The following MEI4 variants were observed in gnomAD, a reference collection of about 807,000 sequenced individuals.
MEI4 encodes meiosis-specific protein MEI4.
Under a neutral mutation model 31.4 loss-of-function variants are expected in MEI4, and 27 were observed. The ratio of observed to expected loss-of-function variants is 0.86; its 90% confidence interval spans 0.63 to 1.19. MEI4 has a LOEUF of 1.19. Among genes scored for constraint, MEI4 ranks in the 50% most tolerant of loss-of-function variants. The probability of loss-of-function intolerance (pLI) is 0.00; values close to 1 mark genes in which losing one functional copy is unlikely to be tolerated. For synonymous variants in MEI4, 122 were observed against 145.4 expected (o/e 0.84, Z 1.16); for missense variants, 329 against 398.9 (o/e 0.82, Z 1.49).
chr6:77,710,027 G>C (rs1399270289), intron 2 of MEI4, among the ~76,000 whole-genome samples: 1 of 152,182 alleles, frequency 6.6e-6, no homozygotes, highest in Non-Finnish European at 1.5e-5. Flanking sequence ...TACAGTGGGG[G>C]CTGGACCTGG....
At chr6:77,671,537 T>A (rs1399493784) in intron 1 of MEI4, among the ~76,000 whole-genome samples, 1 of 152,254 alleles carries the variant, frequency 6.6e-6, no homozygotes, top group Non-Finnish European at 1.5e-5. Flanking sequence ...TTCATTTTCT[T>A]ATGTCTCAAG....
At chr6:77,781,883 G>A (rs1768605512) in intron 3 of MEI4, among the ~76,000 whole-genome samples, 1 of 152,126 alleles carries the variant, frequency 6.6e-6, no homozygotes, top group African/African-American at 2.4e-5. Context: ...TCTAAGCTCA[G>A]AGAACTCTTC....
At chr6:77,650,558 C>T (rs533905588), upstream of MEI4, among the ~76,000 whole-genome samples, 2 of 152,320 alleles carry the variant, frequency 1.3e-5, no homozygotes, top group East Asian at 3.9e-4. Flanking sequence ...CGCCCTCCCC[C>T]GCTACAGGAA....
chr6:77,668,703 G>C (rs1768682716), intron 1 of MEI4, among the ~76,000 whole-genome samples: 1 of 152,064 alleles, frequency 6.6e-6, no homozygotes, highest in South Asian at 2.1e-4. Flanking sequence ...TACATCACAG[G>C]ATTATGAGGA....
At chr6:77,841,318 T>TATATATATATATATAC (rs1554168559) in intron 4 of MEI4, among the ~76,000 whole-genome samples, 6 of 50,226 alleles carry the variant, frequency 1.2e-4, no homozygotes, top group Non-Finnish European at 1.9e-4. Context: ...TGTGTGCATA[T>TATATATATATATATAC]ATATATATAT....
chr6:77,912,219 ATTAC>A (rs1040748454), intron 4 of MEI4, among the ~76,000 whole-genome samples: 1 of 151,970 alleles, frequency 6.6e-6, no homozygotes, highest in Non-Finnish European at 1.5e-5. Flanking sequence ...TATTGTTTTG[ATTAC>A]TTAATCATTG....
In MEI4 at chr6:77,738,300, C is replaced by T. The variant is rs151084819; in HGVS notation, c.233-22830C>T. Among the ~76,000 whole-genome samples the T allele has an allele frequency of 4.3e-3, 650 of 152,250 alleles. 1 individual carries two copies. Among genetic ancestry groups the T allele is most frequent in the Non-Finnish European group, 5.7e-3 (389 of 68,028 alleles). On this transcript the variant is annotated intron_variant, in intron 2 of 4. Coordinates refer to ENST00000684080, the MANE Select transcript of MEI4 (RefSeq NM_001322247.2). ...AGACAATTCAGCTAAAACGAATCTT[C>T]TCATTAGTTTATAATTTCACGCATT...
chr6:77,909,392 C>T (rs898950316), intron 4 of MEI4, among the ~76,000 whole-genome samples: 3 of 152,078 alleles, frequency 2.0e-5, no homozygotes, highest in Non-Finnish European at 4.4e-5. Context: ...ACCGATCCCA[C>T]AGAAATACAA....
At chr6:77,650,744 G>A (rs1371721084), upstream of MEI4, among the ~76,000 whole-genome samples, 1 of 152,232 alleles carries the variant, frequency 6.6e-6, no homozygotes, top group African/African-American at 2.4e-5. Flanking sequence ...GGACGTTTCT[G>A]TTTACCTAAT....
At chr6:77,862,348 C>T (rs941543665) in intron 4 of MEI4, among the ~76,000 whole-genome samples, 22 of 152,324 alleles carry the variant, frequency 1.4e-4, no homozygotes, top group African/African-American at 5.3e-4. Context: ...TGACAGACAA[C>T]ACCTGGAAAA....
Position 77,736,479 on chromosome 6 carries a change from C to T in MEI4, c.233-24651C>T, listed in dbSNP as rs191406073. On this transcript the variant is annotated intron_variant, in intron 2 of 4. Coordinates refer to ENST00000684080, the MANE Select transcript of MEI4 (RefSeq NM_001322247.2). ...GTGCTTCTGGAGTGAGGCAATGCCT[C>T]GCCCTGCTTCGGCTTGCGAACGGTG... Among the ~76,000 whole-genome samples the T allele has an allele frequency of 5.1e-4, 78 of 152,194 alleles. 1 individual carries two copies. In the East Asian group the frequency reaches 0.014, roughly 27 times the overall value.
chr6:77,658,962 GCA>G (rs1768449821), intron 1 of MEI4, among the ~76,000 whole-genome samples: 1 of 151,814 alleles, frequency 6.6e-6, no homozygotes, highest in African/African-American at 2.4e-5. Flanking sequence ...TTAAGAATAT[GCA>G]GAGTCCTCCT....
At chr6:77,812,490 AT>A (rs1273838861) in intron 3 of MEI4, among the ~76,000 whole-genome samples, 4 of 152,170 alleles carry the variant, frequency 2.6e-5, no homozygotes, top group Admixed American at 6.6e-5. Context: ...ACTAAACTAT[AT>A]GCTTAGAGTG....
intron 4 of MEI4, among the ~76,000 whole-genome samples, chr6:77,902,244 A>G (rs1469610141): frequency 6.6e-6 from 1 of 152,076 alleles, no homozygotes; most frequent in Admixed American, 6.6e-5. Context: ...TTCTGTGACA[A>G]AATTCATTGG....
At chr6:77,921,120 G>C (rs1421519076) in intron 4 of MEI4, among the ~76,000 whole-genome samples, 1 of 151,842 alleles carries the variant, frequency 6.6e-6, no homozygotes, top group Non-Finnish European at 1.5e-5. Context: ...TCTTTCAGTA[G>C]AAGGCTGTTT....
At chr6:77,875,109 G>T (rs1562021952) in intron 4 of MEI4, among the ~76,000 whole-genome samples, 1 of 152,122 alleles carries the variant, frequency 6.6e-6, no homozygotes, top group Non-Finnish European at 1.5e-5. Flanking sequence ...TACACAAAAA[G>T]GTGGTTACTC....
At chr6:77,901,450 T>G (rs1320241392) in intron 4 of MEI4, among the ~76,000 whole-genome samples, 1 of 152,076 alleles carries the variant, frequency 6.6e-6, no homozygotes. Flanking sequence ...AATTTACATT[T>G]CCCTGATGGT....
intron 4 of MEI4, among the ~76,000 whole-genome samples, chr6:77,915,868 T>C (rs1409237510): frequency 6.6e-6 from 1 of 152,052 alleles, no homozygotes; most frequent in African/African-American, 2.4e-5. Flanking sequence ...TTTTGTTCTC[T>C]CTTTGCATTT....
chr6:77,707,544 G>A (rs547481996), intron 2 of MEI4, among the ~76,000 whole-genome samples: 5 of 152,208 alleles, frequency 3.3e-5, no homozygotes, highest in Non-Finnish European at 7.3e-5. Context: ...GGGCTGTGGA[G>A]CAATCACTTT....
Sources: allele counts gnomAD v4.1 joint callset (sites outside exome capture counted in the v4.1 genomes callset), GRCh38; gene constraint gnomAD v4.1.1; transcripts MANE v1.5; gene names NCBI Gene and HGNC (gene_info 2026-07-23, HGNC 2026-07-21).